Variants in CNTLN observed in about 807,000 individuals in gnomAD.
CNTLN encodes centlein, centrosomal protein.
In CNTLN, 212 loss-of-function variants were observed where a neutral mutation model predicts 180.0. The ratio of observed to expected loss-of-function variants is 1.18; its 90% CI spans 1.05 to 1.32. The LOEUF (loss-of-function observed/expected upper bound fraction) is 1.32, where lower values mean the gene tolerates loss of function less well. Among genes scored for constraint, CNTLN ranks in the 40% most tolerant of loss-of-function variants. The pLI is 0.00. For missense variants in CNTLN, 2,095 were observed against 1,610.9 expected, an observed-to-expected ratio of 1.30 and a Z score of -5.14; for synonymous variants, 722 against 563.1, an observed-to-expected ratio of 1.28 and a Z score of -3.99.
At chr9:17,266,296 C>A (rs1827437845) in intron 5 of CNTLN, among the ~76,000 whole-genome samples, 2 of 152,112 alleles carry the variant, frequency 1.3e-5, no homozygotes, top group Non-Finnish European at 2.9e-5. Context: ...TCATTATGTA[C>A]CCAGTAGTCA....
chr9:17,182,851 C>T (rs1385447905), intron 2 of CNTLN, among the ~76,000 whole-genome samples: 1 of 152,160 alleles, frequency 6.6e-6, no homozygotes, highest in Non-Finnish European at 1.5e-5. Context: ...GCCATACTTG[C>T]CATGAAGCTG....
chr9:17,464,317 G>T (rs557125613), intron 20 of CNTLN, among the ~76,000 whole-genome samples, 180 bp from the exon 21 acceptor site: 8 of 151,240 alleles, frequency 5.3e-5, no homozygotes, highest in South Asian at 2.1e-4. Context: ...GATTTTACAA[G>T]TGTTCAAAAT....
At position 17,313,696 on chromosome 9, in the gene CNTLN, G is replaced by A. The variant is rs541456446; in HGVS notation, c.1341+4444G>A. On this transcript the variant is annotated intron_variant, in intron 8 of 25. Transcript: ENST00000380647. ...GGAAAAAAATTTTGATGTTATTTTCGCAAATATTTTTGTTTCCTGTTCTTT... is the reference window on the plus strand; with the variant it reads ...GGAAAAAAATTTTGATGTTATTTTCACAAATATTTTTGTTTCCTGTTCTTT... 5.9e-5 allele frequency among the ~76,000 whole-genome samples: 9 copies of A among 152,090 alleles called. No individual in the cohort carries two copies. In the South Asian group the frequency reaches 1.7e-3, roughly 28 times the overall value.
chr9:17,338,497 T>C (rs1342069566), intron 10 of CNTLN, among the ~76,000 whole-genome samples: 4 of 151,586 alleles, frequency 2.6e-5, no homozygotes, highest in Non-Finnish European at 4.4e-5. Flanking sequence ...AATTAAATTA[T>C]TAATAAATTT....
At chr9:17,528,416 C>T in the CNTLN span, among the ~76,000 whole-genome samples, 3 of 152,210 alleles carry the variant, frequency 2.0e-5, no homozygotes, top group Non-Finnish European at 2.9e-5. Context: ...ATTAGACAAA[C>T]GCCAGTGAAG....
chr9:17,449,107 C>T (rs1216004452), intron 18 of CNTLN, among the ~76,000 whole-genome samples: 2 of 152,092 alleles, frequency 1.3e-5, no homozygotes, highest in Non-Finnish European at 2.9e-5. Flanking sequence ...ATAATATTAC[C>T]ATATAAACAT....
chr9:17,444,391 C>G lies in CNTLN; in HGVS notation c.3115-13133C>G, dbSNP rs1042275881. On this transcript the variant is annotated intron_variant, in intron 18 of 25. Coordinates refer to ENST00000380647, the MANE Select transcript of CNTLN (RefSeq NM_017738.4). Reference sequence around the variant, plus strand: ...TATTTCATTATATGTTAATTGTCACCTACATGAGTAATTGACAGGAATTTC... The same window carrying G: ...TATTTCATTATATGTTAATTGTCACGTACATGAGTAATTGACAGGAATTTC... 3 of 152,158 alleles carry G rather than the reference C, an allele frequency of 2.0e-5. No individual in the cohort carries two copies. In the East Asian group the frequency reaches 5.8e-4, roughly 29 times the overall value. The allele number at this position is 152,158 out of a possible 1,614,324, so 9.4% of individuals were successfully genotyped here. A position where few individuals can be genotyped will look rare whatever the true frequency, so the allele number is the denominator to read the frequency against.
chr9:17,499,087 A>C (rs1272650308), intron 25 of CNTLN, among the ~76,000 whole-genome samples: 1 of 152,194 alleles, frequency 6.6e-6, no homozygotes, highest in Non-Finnish European at 1.5e-5. Context: ...AACATTTTGC[A>C]CTCAAAAAAA....
chr9:17,274,421 T>C (rs1449873492), intron 6 of CNTLN, among the ~76,000 whole-genome samples: 1 of 151,950 alleles, frequency 6.6e-6, no homozygotes, highest in Admixed American at 6.6e-5. Context: ...GAGAATAAAT[T>C]AAGACAGAAC....
At chr9:17,342,240 T>C (rs1821538550) in intron 11 of CNTLN, 85 bp from the exon 12 acceptor site, 2 of 1,367,340 alleles carry the variant, frequency 1.5e-6, no homozygotes, top group Non-Finnish European at 2.0e-6. Context: ...TCAATAGATA[T>C]TTTTAAATTT....
rs187398548 is a variant in CNTLN, at chr9:17,269,152, G to T, written c.850-4581G>T. 5.2e-3 allele frequency among the ~76,000 whole-genome samples: 795 copies of T among 152,166 alleles called. 4 individuals are homozygous for T. Among genetic ancestry groups the T allele is most frequent in the Admixed American group, 8.0e-3 (123 of 15,292 alleles). ...CGCTCATGCTGGGAACTGTAGACCG[G>T]AGCTGTTCCTATTCGGCCATGTTGG... On this transcript the variant is annotated intron_variant, in intron 5 of 25. Coordinates refer to ENST00000380647, the MANE Select transcript of CNTLN (RefSeq NM_017738.4).
In CNTLN at chr9:17,372,667, C is replaced by T. The variant is rs72705767; in HGVS notation, c.1987+5950C>T. Among the ~76,000 whole-genome samples, 405 of 152,076 alleles carry T rather than the reference C, an allele frequency of 2.7e-3. 1 individual carries two copies. The highest frequency in any genetic ancestry group is 4.1e-3 in the Non-Finnish European group (276 of 67,948). ...TTGATACCAAAACCAGACAAAGACACATCAAAAAAAGGAAACTATAGTTCA... is the reference window on the plus strand; with the variant it reads ...TTGATACCAAAACCAGACAAAGACATATCAAAAAAAGGAAACTATAGTTCA... On this transcript the variant is annotated intron_variant, in intron 13 of 25. Coordinates refer to ENST00000380647, the MANE Select transcript of CNTLN (RefSeq NM_017738.4).
chr9:17,238,783 C>T (rs1399198188), intron 5 of CNTLN, among the ~76,000 whole-genome samples: 1 of 152,088 alleles, frequency 6.6e-6, no homozygotes, highest in African/African-American at 2.4e-5. Context: ...AAAGATACTA[C>T]TTTTTATTTC....
chr9:17,137,313 G>A (rs1003323210), intron 1 of CNTLN, among the ~76,000 whole-genome samples: 1 of 152,090 alleles, frequency 6.6e-6, no homozygotes, highest in African/African-American at 2.4e-5. Flanking sequence ...CTGCTCTTCG[G>A]GAATCTTGGG....
chr9:17,357,062 T>A (rs1050906169), intron 12 of CNTLN, among the ~76,000 whole-genome samples: 4 of 152,164 alleles, frequency 2.6e-5, no homozygotes, highest in Admixed American at 2.0e-4. Flanking sequence ...TCTGTCTCTA[T>A]GGATTTGCCT....
At chr9:17,486,941 G>A (rs2134330568) in intron 24 of CNTLN, 48 bp from the exon 25 acceptor site, 1 of 895,380 alleles carries the variant, frequency 1.1e-6, no homozygotes, top group South Asian at 1.5e-5. Flanking sequence ...GTATAAACAA[G>A]TTCATATAAA....
chr9:17,152,838 G>A lies in CNTLN; in HGVS notation c.449+9462G>A, dbSNP rs142819987. Among the ~76,000 whole-genome samples, 2,919 of 152,218 alleles carry A rather than the reference G, an allele frequency of 0.019. 171 individuals are homozygous for A. In the East Asian group the frequency reaches 0.23, roughly 12 times the overall value. ...CTAAGAACTTGTTTTATGAATCTGG[G>A]TGTTCCCATATTGGGTGCATATATA... On this transcript the variant is annotated intron_variant, in intron 2 of 25. Coordinates refer to ENST00000380647, the MANE Select transcript of CNTLN (RefSeq NM_017738.4).
chr9:17,142,876 G>A (rs1342156737), intron 1 of CNTLN, among the ~76,000 whole-genome samples: 1 of 152,158 alleles, frequency 6.6e-6, no homozygotes, highest in East Asian at 1.9e-4. Flanking sequence ...AATGATTTTA[G>A]CATAATGGTG....
rs774902187 is a variant in CNTLN, at chr9:17,409,456, G to C, written c.2779G>C (p.Asp927His). 6.2e-6 allele frequency: 10 copies of C among 1,600,580 alleles called. No individual in the cohort carries two copies. The highest frequency in any genetic ancestry group is 3.6e-5 in the Admixed American group (2 of 56,070). Reference protein sequence around the residue: ...KEIVQTYLNIDGKTPKDYFHD... With the variant: ...KEIVQTYLNIHGKTPKDYFHD... ...AATAGTACAGACATATTTAAATATAGATGGCAAGACCCCAAAGGTAAATGA... is the reference window on the plus strand; with the variant it reads ...AATAGTACAGACATATTTAAATATACATGGCAAGACCCCAAAGGTAAATGA... The change falls in exon 16 of 26, where the codon GAT becomes CAT. Residue 927 changes from aspartate to histidine, a missense_variant. Asp to His is a moderately conservative substitution (Grantham distance 81). Transcript: ENST00000380647.
Sources: gnomAD v4.1 joint callset for allele counts (sites outside exome capture counted in the v4.1 genomes callset) on GRCh38, gnomAD v4.1.1 for gene constraint, MANE v1.5 for transcripts, NCBI Gene and HGNC (gene_info 2026-07-23, HGNC 2026-07-21) for gene names.